Variants in STX3 observed in about 807,000 individuals in gnomAD.
STX3 encodes syntaxin-3.
A neutral mutation model predicts 40.2 loss-of-function variants in STX3; 19 were observed. The observed-to-expected ratio is 0.47, with a 90% confidence interval of 0.33 to 0.69. The LOEUF (loss-of-function observed/expected upper bound fraction) is 0.69. STX3 is among the 30% of genes least tolerant of loss of function. The pLI, the probability that STX3 is intolerant of heterozygous loss-of-function variation, is 0.02. For missense variants in STX3, 364 were observed against 366.7 expected, an observed-to-expected ratio of 0.99 and a Z score of 0.06; for synonymous variants, 122 against 132.2, an observed-to-expected ratio of 0.92 and a Z score of 0.53.
chr11:59,787,370 T>C (rs761266817), intron 3 of STX3, among the ~76,000 whole-genome samples: 1 of 152,158 alleles, frequency 6.6e-6, no homozygotes, highest in Non-Finnish European at 1.5e-5. Flanking sequence ...CTTTCCTGTT[T>C]CCCAGCTAGT....
intron 2 of STX3, among the ~76,000 whole-genome samples, chr11:59,779,666 C>T (rs1864225365): frequency 6.6e-6 from 1 of 152,082 alleles, no homozygotes; most frequent in African/African-American, 2.4e-5. Context: ...ATCAAGTAGT[C>T]TAAGTTGAGC....
At chr11:59,778,660 C>T (rs889303628) in intron 2 of STX3, among the ~76,000 whole-genome samples, 5 of 152,138 alleles carry the variant, frequency 3.3e-5, no homozygotes. Flanking sequence ...AGAAATGCTT[C>T]CTGCTTCTTT....
intron 3 of STX3, among the ~76,000 whole-genome samples, chr11:59,787,737 G>T (rs988666563): frequency 2.6e-5 from 4 of 152,146 alleles, no homozygotes; most frequent in East Asian, 3.9e-4. Flanking sequence ...TAGCTGAAGC[G>T]CTGAAAGAAA....
chr11:59,764,942 TGGGGTCCTCA>T (rs1445038375), intron 1 of STX3, among the ~76,000 whole-genome samples: 1 of 151,088 alleles, frequency 6.6e-6, no homozygotes. Flanking sequence ...CTGAGTGGAG[TGGGGTCCTCA>T]GGGACCTTGG....
chr11:59,786,624 T>G (rs1864794802), intron 2 of STX3, among the ~76,000 whole-genome samples: 1 of 152,062 alleles, frequency 6.6e-6, no homozygotes, highest in Admixed American at 6.6e-5. Flanking sequence ...CTTTCACTTC[T>G]TTCTTTCCTT....
chr11:59,795,801 C>T (rs2135030416), intron 9 of STX3: 2 of 1,151,668 alleles, frequency 1.7e-6, no homozygotes, highest in Admixed American at 2.0e-5. Flanking sequence ...TTCTTGAGCC[C>T]ATGCCTCCCT....
Position 59,755,383 on chromosome 11 carries a change from G to A in STX3, c.-223G>A. On this transcript the variant is annotated 5_prime_UTR_variant, in exon 1 of 11. Transcript: ENST00000337979. ...GGCGCCGGCCCGGGAGCCGGATTTG[G>A]AGCGCGAGGCGCCGGTGGGGGCGGA... 1 of 368,226 alleles carries A rather than the reference G, an allele frequency of 2.7e-6. No individual in the cohort carries two copies. The highest frequency in any genetic ancestry group is 4.7e-6 in the Non-Finnish European group (1 of 214,968). The allele number at this position is 368,226 out of a possible 1,614,324, so 22.8% of individuals were successfully genotyped here.
At chr11:59,790,994 G>C (rs1865113707) in intron 5 of STX3, among the ~76,000 whole-genome samples, 1 of 152,228 alleles carries the variant, frequency 6.6e-6, no homozygotes, top group African/African-American at 2.4e-5. Context: ...GGCATGGAAA[G>C]CTATTACCTA....
chr11:59,765,575 G>C (rs1450168074), intron 1 of STX3, among the ~76,000 whole-genome samples: 2 of 152,168 alleles, frequency 1.3e-5, no homozygotes, highest in Non-Finnish European at 2.9e-5. Flanking sequence ...AGACCGAGGA[G>C]GGTGGATCAC....
intron 1 of STX3, among the ~76,000 whole-genome samples, chr11:59,761,617 C>T (rs1167009737): frequency 6.6e-6 from 1 of 152,154 alleles, no homozygotes; most frequent in Non-Finnish European, 1.5e-5. Context: ...TTATGTTAGG[C>T]CCCTCTGCAA....
intron 2 of STX3, among the ~76,000 whole-genome samples, chr11:59,781,100 T>TTTTTTTTTATATATA (rs963410109): frequency 6.8e-6 from 1 of 146,308 alleles, no homozygotes; most frequent in African/African-American, 2.6e-5. Context: ...TTTTTTTTTT[T>TTTTTTTTTATATATA]TATATTAGCA....
At position 59,802,518 on chromosome 11, in the gene STX3, T is replaced by G; in HGVS notation, c.*1694T>G. The stretch of plus-strand genomic sequence containing the variant: ...TGCCCATGGCTATGATGTCAGACAG[T>G]GGATGGGCTCCAGCAACAAGAGACA... On this transcript the variant is annotated 3_prime_UTR_variant, in exon 11 of 11. Transcript: ENST00000337979. 3.0e-6 allele frequency: 3 copies of G among 985,828 alleles called. No individual in the cohort carries two copies. Among genetic ancestry groups the G allele is most frequent in the Non-Finnish European group, 3.6e-6 (3 of 829,934 alleles). The allele number at this position is 985,828 out of a possible 1,614,324, so 61.1% of individuals were successfully genotyped here. A position where few individuals can be genotyped will look rare whatever the true frequency, so the allele number is the denominator to read the frequency against.
At chr11:59,779,143 T>C (rs1241846218) in intron 2 of STX3, among the ~76,000 whole-genome samples, 3 of 152,116 alleles carry the variant, frequency 2.0e-5, no homozygotes, top group African/African-American at 7.2e-5. Flanking sequence ...GGCCAAAAAT[T>C]TACTTTTTTG....
intron 9 of STX3, among the ~76,000 whole-genome samples, chr11:59,796,714 C>CT (rs1865536470): frequency 6.6e-6 from 1 of 152,226 alleles, no homozygotes; most frequent in Admixed American, 6.5e-5. Context: ...GGCTCTGATT[C>CT]TATCTGTCCA....
chr11:59,758,746 C>T (rs1862870078), intron 1 of STX3, among the ~76,000 whole-genome samples: 1 of 152,256 alleles, frequency 6.6e-6, no homozygotes, highest in African/African-American at 2.4e-5. Context: ...TTTTCTCTGA[C>T]TTCTCAGCAG....
At chr11:59,783,352 A>C (rs2134977710) in intron 2 of STX3, among the ~76,000 whole-genome samples, 1 of 152,308 alleles carries the variant, frequency 6.6e-6, no homozygotes, top group South Asian at 2.1e-4. Context: ...CCTGAGTTCA[A>C]ACCTCAGTTT....
chr11:59,758,570 C>A (rs934917849), intron 1 of STX3, among the ~76,000 whole-genome samples: 3 of 152,222 alleles, frequency 2.0e-5, no homozygotes, highest in Non-Finnish European at 4.4e-5. Context: ...AAGGGCATCC[C>A]TTCCTGAGGC....
chr11:59,772,961 A>T (rs1298194958), intron 1 of STX3, among the ~76,000 whole-genome samples: 1 of 136,548 alleles, frequency 7.3e-6, no homozygotes, highest in African/African-American at 2.9e-5. Flanking sequence ...CTCACCCCTC[A>T]CCCCCTGAAA....
At chr11:59,774,440 T>TAAA (rs35265893) in intron 2 of STX3, among the ~76,000 whole-genome samples, 1 of 81,302 alleles carries the variant, frequency 1.2e-5, no homozygotes, top group Non-Finnish European at 2.6e-5. Context: ...CCTTGTCCCC[T>TAAA]AAAAAAAAAA....
Sources: gnomAD v4.1 joint callset for allele counts (sites outside exome capture counted in the v4.1 genomes callset) on GRCh38, gnomAD v4.1.1 for gene constraint, MANE v1.5 for transcripts, NCBI Gene and HGNC (gene_info 2026-07-23, HGNC 2026-07-21) for gene names.